The following ZFHX3 variants were observed in gnomAD, a reference collection of about 807,000 sequenced individuals.
ZFHX3 encodes zinc finger homeobox 3, also known as zinc finger homeobox protein 3.
In ZFHX3, 42 loss-of-function variants were observed where a neutral mutation model predicts 279.1. That is an observed-to-expected ratio of 0.15 (90% confidence interval 0.12 to 0.19). The LOEUF is 0.19. ZFHX3 is among the 10% of genes least tolerant of loss of function. The pLI, the probability that ZFHX3 is intolerant of heterozygous loss-of-function variation, is 1.00. For synonymous variants in ZFHX3, 2,293 were observed against 1,957.8 expected (o/e 1.17, Z -4.52); for missense variants, 4,981 against 4,754.0 (o/e 1.05, Z -1.40).
chr16:73,598,413 T>C (rs2052075053), intron 2 of ZFHX3, among the ~76,000 whole-genome samples: 1 of 151,536 alleles, frequency 6.6e-6, no homozygotes, highest in Non-Finnish European at 1.5e-5. Flanking sequence ...TAGAATACCA[T>C]TCTTTTTATC....
At chr16:73,229,464 A>C (rs1183635326) in intron 5 of ZFHX3, among the ~76,000 whole-genome samples, 1 of 152,256 alleles carries the variant, frequency 6.6e-6, no homozygotes, top group East Asian at 1.9e-4. Context: ...GAGAAAGTCA[A>C]ACATTACAAT....
intron 7 of ZFHX3, among the ~76,000 whole-genome samples, chr16:72,804,283 A>G (rs2036197802): frequency 6.6e-6 from 1 of 152,240 alleles, no homozygotes; most frequent in Admixed American, 6.5e-5. Flanking sequence ...AACACTGTAC[A>G]GGATCCATGT....
chr16:73,787,874 A>AGG (rs1555501669), intron 1 of ZFHX3, among the ~76,000 whole-genome samples: 1 of 151,730 alleles, frequency 6.6e-6, no homozygotes, highest in African/African-American at 2.4e-5. Flanking sequence ...AGAGAGAGAG[A>AGG]GAGAATGTAG....
At chr16:73,479,491 G>A (rs963019293) in intron 2 of ZFHX3, among the ~76,000 whole-genome samples, 12 of 152,054 alleles carry the variant, frequency 7.9e-5, no homozygotes, top group Admixed American at 2.0e-4. Flanking sequence ...AGAAACAAAC[G>A]TAGTCATCAC....
At chr16:72,961,218 C>T (rs986780262) in intron 1 of ZFHX3, among the ~76,000 whole-genome samples, 1 of 149,978 alleles carries the variant, frequency 6.7e-6, no homozygotes, top group Non-Finnish European at 1.5e-5. Flanking sequence ...GGCAGCTGGG[C>T]TCGGCGAGCC....
chr16:73,175,606 C>A (rs1041957084), intron 5 of ZFHX3, among the ~76,000 whole-genome samples: 1 of 152,148 alleles, frequency 6.6e-6, no homozygotes, highest in African/African-American at 2.4e-5. Context: ...GATAGGTGCT[C>A]GATAAAGGGA....
chr16:73,873,593 C>G (rs1219160995), intron 1 of ZFHX3, among the ~76,000 whole-genome samples: 1 of 151,982 alleles, frequency 6.6e-6, no homozygotes, highest in African/African-American at 2.4e-5. Context: ...ACATATTTAC[C>G]TTTAACATTT....
chr16:73,744,267 C>G (rs1407245146), intron 1 of ZFHX3, among the ~76,000 whole-genome samples: 2 of 152,200 alleles, frequency 1.3e-5, no homozygotes, highest in Non-Finnish European at 2.9e-5. Context: ...GGATATGTCT[C>G]TGGTGTGCAC....
At chr16:73,160,483 C>G (rs1256247859) in intron 5 of ZFHX3, among the ~76,000 whole-genome samples, 1 of 152,190 alleles carries the variant, frequency 6.6e-6, no homozygotes, top group Non-Finnish European at 1.5e-5. Context: ...CACACCCACA[C>G]AGGGCTTAGC....
chr16:72,920,018 C>T lies in ZFHX3; in HGVS notation c.3217-30056G>A, dbSNP rs541701565. Reference sequence around the variant, plus strand: ...CTATGTTGACCAGGCTGGTCTCAAACTCCTGACCTTGTGATTCACCCGCCT... The same window carrying T: ...CTATGTTGACCAGGCTGGTCTCAAATTCCTGACCTTGTGATTCACCCGCCT... On this transcript the variant is annotated intron_variant, in intron 3 of 9. Transcript: ENST00000268489. Among the ~76,000 whole-genome samples, 12 of 151,844 alleles carry T rather than the reference C, an allele frequency of 7.9e-5. No homozygotes were observed. The East Asian group carries it at 2.3e-3, about 30-fold the overall frequency.
intron 1 of ZFHX3, among the ~76,000 whole-genome samples, chr16:73,734,941 C>T (rs887937941): frequency 2.0e-5 from 3 of 151,976 alleles, no homozygotes; most frequent in Admixed American, 6.6e-5. Context: ...ATTTTATTTT[C>T]CAGGAGGAAT....
intron 5 of ZFHX3, among the ~76,000 whole-genome samples, chr16:73,253,339 T>C (rs1346764081): frequency 1.3e-5 from 2 of 151,976 alleles, no homozygotes; most frequent in Non-Finnish European, 2.9e-5. Context: ...CTGTGAGAAA[T>C]GAAATCAATG....
chr16:73,135,615 T>C (rs778733672), intron 6 of ZFHX3, among the ~76,000 whole-genome samples: 4 of 152,216 alleles, frequency 2.6e-5, no homozygotes, highest in Admixed American at 6.5e-5. Flanking sequence ...TCTTTTCACA[T>C]ACCAAAGAAA....
intron 3 of ZFHX3, among the ~76,000 whole-genome samples, chr16:72,946,416 T>C (rs1386539757): frequency 6.6e-6 from 1 of 152,188 alleles, no homozygotes; most frequent in Non-Finnish European, 1.5e-5. Context: ...TAGAAACCGT[T>C]TTGAGTAACA....
intron 3 of ZFHX3, among the ~76,000 whole-genome samples, chr16:73,351,546 T>C (rs1236351955): frequency 1.3e-5 from 2 of 152,186 alleles, no homozygotes; most frequent in African/African-American, 4.8e-5. Flanking sequence ...CCCAGCTTCC[T>C]AAATAATTTA....
chr16:73,457,160 C>T (rs774544193), intron 2 of ZFHX3, among the ~76,000 whole-genome samples: 1 of 152,208 alleles, frequency 6.6e-6, no homozygotes, highest in Non-Finnish European at 1.5e-5. Flanking sequence ...GCATAACCCT[C>T]TTCCTATTTT....
At chr16:73,722,804 C>G (rs1342230008) in intron 1 of ZFHX3, among the ~76,000 whole-genome samples, 1 of 152,108 alleles carries the variant, frequency 6.6e-6, no homozygotes, top group East Asian at 1.9e-4. Flanking sequence ...GGAAAGGGTA[C>G]AGTTTATAAT....
intron 3 of ZFHX3, among the ~76,000 whole-genome samples, chr16:73,351,580 G>A (rs2016242617): frequency 6.6e-6 from 1 of 152,190 alleles, no homozygotes; most frequent in Admixed American, 6.5e-5. Flanking sequence ...ATTTTGCACA[G>A]CTCCGTCTTA....
In ZFHX3 at chr16:73,092,709, C is replaced by T. The variant is rs191012053; in HGVS notation, c.-533+526G>A. 210 of 325,966 alleles carry T rather than the reference C, an allele frequency of 6.4e-4. 1 individual carries two copies. Among genetic ancestry groups the T allele is most frequent in the Middle Eastern group, 3.4e-3 (3 of 892 alleles). The allele number at this position is 325,966 out of a possible 1,614,324, so 20.2% of individuals were successfully genotyped here. Reference sequence around the variant, plus strand: ...TGGCTTACACATGCTCTTGCTCTCTCGCGCTCTGGGAGAGCGCTTATATGG... The same window carrying T: ...TGGCTTACACATGCTCTTGCTCTCTTGCGCTCTGGGAGAGCGCTTATATGG... On this transcript the variant is annotated intron_variant, in intron 8 of 17. Coordinates refer to the ZFHX3 transcript ENST00000641206.
Sources: gnomAD v4.1 joint callset for allele counts (sites outside exome capture counted in the v4.1 genomes callset) on GRCh38, gnomAD v4.1.1 for gene constraint, MANE v1.5 for transcripts, NCBI Gene and HGNC (gene_info 2026-07-23, HGNC 2026-07-21) for gene names.